The following SLCO6A1 variants were observed in gnomAD, a reference collection of about 807,000 sequenced individuals.
SLCO6A1 encodes solute carrier organic anion transporter family member 6A1.
A neutral mutation model predicts 72.7 loss-of-function variants in SLCO6A1; 65 were observed. The observed-to-expected ratio is 0.89, with a 90% CI of 0.73 to 1.10. The LOEUF is 1.10. Ranked by LOEUF, SLCO6A1 falls within the 50% of genes least tolerant of loss-of-function variation. The pLI is 0.00. For synonymous variants in SLCO6A1, 314 were observed against 298.2 expected, an observed-to-expected ratio of 1.05 and a Z score of -0.55; for missense variants, 874 against 872.6, an observed-to-expected ratio of 1.00 and a Z score of -0.02.
chr5:102,437,892 A>G (rs1749631254), intron 7 of SLCO6A1, among the ~76,000 whole-genome samples: 1 of 152,150 alleles, frequency 6.6e-6, no homozygotes, highest in Non-Finnish European at 1.5e-5. Flanking sequence ...CATTGCATTT[A>G]CAACTTTCCT....
At chr5:102,389,189 A>G (rs78636686) in intron 11 of SLCO6A1, among the ~76,000 whole-genome samples, 5,945 of 152,308 alleles carry the variant, frequency 0.039, 161 homozygotes, top group Admixed American at 0.057. Flanking sequence ...ATGTCTTCAA[A>G]TATCTTTAAT....
intron 2 of SLCO6A1, 81 bp downstream of exon 2, chr5:102,480,096 T>C: frequency 2.3e-6 from 3 of 1,294,456 alleles, no homozygotes; most frequent in Non-Finnish European, 3.2e-6. Flanking sequence ...CAAATAATTA[T>C]CACAGTCTAT....
At position 102,493,763 on chromosome 5, in the gene SLCO6A1, T is replaced by A. The variant is rs555313103; in HGVS notation, c.358+4724A>T. Reference sequence around the variant, plus strand: ...AAATCCTAAGGAGTCTGCAAAAAAATGACTTCTGTAACTTAATAGGTTAAT... The same window carrying A: ...AAATCCTAAGGAGTCTGCAAAAAAAAGACTTCTGTAACTTAATAGGTTAAT... On this transcript the variant is annotated intron_variant, in intron 1 of 13. Coordinates refer to ENST00000506729, the MANE Select transcript of SLCO6A1 (RefSeq NM_173488.5). Among the ~76,000 whole-genome samples, 3 of 152,104 alleles carry A rather than the reference T, an allele frequency of 2.0e-5. No homozygotes were observed. The South Asian group carries it at 6.2e-4, about 32-fold the overall frequency.
chr5:102,404,585 A>G (rs998236827), intron 9 of SLCO6A1, among the ~76,000 whole-genome samples: 1 of 151,552 alleles, frequency 6.6e-6, no homozygotes, highest in African/African-American at 2.5e-5. Flanking sequence ...GTTAATTTGA[A>G]CTATCAACAT....
At chr5:102,414,072 T>A (rs1006591540) in intron 8 of SLCO6A1, among the ~76,000 whole-genome samples, 1 of 152,160 alleles carries the variant, frequency 6.6e-6, no homozygotes, top group African/African-American at 2.4e-5. Context: ...CAGTAGTTTT[T>A]AAATTTCTGA....
intron 8 of SLCO6A1, among the ~76,000 whole-genome samples, chr5:102,414,350 C>A (rs919585194): frequency 2.0e-5 from 3 of 152,038 alleles, no homozygotes; most frequent in African/African-American, 7.3e-5. Context: ...TTTTAGCAGT[C>A]CTATTCAAAA....
At chr5:102,373,947 ATACAT>A (rs1287014997) in intron 12 of SLCO6A1, among the ~76,000 whole-genome samples, 1 of 152,216 alleles carries the variant, frequency 6.6e-6, no homozygotes, top group Non-Finnish European at 1.5e-5. Context: ...CAGAAAGTTA[ATACAT>A]TACAACATTA....
In SLCO6A1 at chr5:102,388,750, C is replaced by T. The variant is rs1356010837; in HGVS notation, c.1955G>A (p.Gly652Glu). 7 of 1,608,492 alleles carry T rather than the reference C, an allele frequency of 4.4e-6. No homozygotes were observed. The African/African-American group carries it at 8.0e-5, about 18-fold the overall frequency. ...ATATATCCAACAACGTCCTGTGTGT[C>T]CACATTTATTAACATCCCGTAAAAT... Reference protein sequence around the residue: ...SCILRDVNKCGHTGRCWIYNK... With the variant: ...SCILRDVNKCEHTGRCWIYNK... Residue 652 changes from glycine to glutamate, a missense_variant, in exon 12 of 14, where the codon GGA (glycine) becomes GAA (glutamate). Transcript: ENST00000506729.
intron 8 of SLCO6A1, among the ~76,000 whole-genome samples, chr5:102,416,577 A>G (rs1748298351): frequency 6.6e-6 from 1 of 152,072 alleles, no homozygotes; most frequent in South Asian, 2.1e-4. Context: ...AGACTCAGAA[A>G]GGTAAGGAGG....
intron 4 of SLCO6A1, among the ~76,000 whole-genome samples, chr5:102,461,611 T>C (rs184501833): frequency 8.5e-5 from 13 of 152,118 alleles, no homozygotes; most frequent in African/African-American, 3.1e-4. Context: ...GAAGGAAATC[T>C]ATGGATACAG....
intron 11 of SLCO6A1, among the ~76,000 whole-genome samples, chr5:102,390,683 T>G (rs1173120759): frequency 6.6e-6 from 1 of 151,940 alleles, no homozygotes; most frequent in African/African-American, 2.4e-5. Flanking sequence ...ATTACAAGAG[T>G]TTTGTATGAG....
intron 1 of SLCO6A1, among the ~76,000 whole-genome samples, chr5:102,488,298 G>A (rs1223835322): frequency 6.6e-6 from 1 of 152,074 alleles, no homozygotes; most frequent in East Asian, 1.9e-4. Context: ...TTTTCAAACT[G>A]TTATATATCA....
At chr5:102,484,803 T>C (rs970003379) in intron 1 of SLCO6A1, among the ~76,000 whole-genome samples, 1 of 152,236 alleles carries the variant, frequency 6.6e-6, no homozygotes, top group Non-Finnish European at 1.5e-5. Context: ...ACACATACTT[T>C]AACCAGTTTC....
At chr5:102,498,385 G>T in intron 1 of SLCO6A1, 102 bp downstream of exon 1, 1 of 1,156,282 alleles carries the variant, frequency 8.6e-7, no homozygotes, top group Non-Finnish European at 1.2e-6. Flanking sequence ...CCCAGGGCAT[G>T]CTGGGCCACC....
intron 1 of SLCO6A1, among the ~76,000 whole-genome samples, chr5:102,490,850 G>A (rs1042991055): frequency 6.6e-6 from 1 of 152,126 alleles, no homozygotes; most frequent in Non-Finnish European, 1.5e-5. Context: ...CCCAAAGAGT[G>A]AGCAGCAGTA....
intron 9 of SLCO6A1, among the ~76,000 whole-genome samples, chr5:102,400,973 C>T (rs1050261569): frequency 6.6e-6 from 1 of 151,446 alleles, no homozygotes; most frequent in Admixed American, 6.6e-5. Context: ...TTTGGGGAGA[C>T]AGGACATTTT....
In SLCO6A1 at chr5:102,443,937, T is replaced by A. The variant is rs561938944; in HGVS notation, c.1132-5176A>T. On this transcript the variant is annotated intron_variant, in intron 6 of 13. Transcript: ENST00000506729. ...AGTAGCAGACAGTGCTATTCAACCA[T>A]CCCTATCTCGCAGTACTGTGGCTAT... Among the ~76,000 whole-genome samples, 20 of 152,262 alleles carry A rather than the reference T, an allele frequency of 1.3e-4. No individual in the cohort carries two copies. The South Asian group carries it at 4.2e-3, about 32-fold the overall frequency.
At chr5:102,488,229 A>C (rs923001367) in intron 1 of SLCO6A1, among the ~76,000 whole-genome samples, 5 of 152,234 alleles carry the variant, frequency 3.3e-5, no homozygotes, top group Admixed American at 6.5e-5. Context: ...AGGGTTAAAT[A>C]AATAAAATGA....
chr5:102,443,479 C>T (rs1357643978), intron 6 of SLCO6A1, among the ~76,000 whole-genome samples: 1 of 152,144 alleles, frequency 6.6e-6, no homozygotes, highest in Admixed American at 6.5e-5. Flanking sequence ...GTTAGTCACT[C>T]TTCAACAAGG....
Sources: allele counts gnomAD v4.1 joint callset (sites outside exome capture counted in the v4.1 genomes callset), GRCh38; gene constraint gnomAD v4.1.1; transcripts MANE v1.5; gene names NCBI Gene and HGNC (gene_info 2026-07-23, HGNC 2026-07-21).